Variants in CIITA observed in about 807,000 individuals in gnomAD.
The protein encoded by CIITA is MHC class II transactivator.
In CIITA, 72 loss-of-function variants were observed where a neutral mutation model predicts 115.1. The observed-to-expected ratio is 0.63, with a 90% CI of 0.52 to 0.76. CIITA has a LOEUF of 0.76. Among genes scored for constraint, CIITA ranks in the 30% least tolerant of loss-of-function variants. CIITA has a pLI of 0.00. For synonymous variants in CIITA, 763 were observed against 635.6 expected, an observed-to-expected ratio of 1.20 and a Z score of -3.02; for missense variants, 1,617 against 1,463.8, an observed-to-expected ratio of 1.10 and a Z score of -1.71.
Position 10,942,382 on chromosome 16 carries a change from G to A in CIITA, n.1508G>A. 1 of 173,304 alleles carries A rather than the reference G, an allele frequency of 5.8e-6. No individual in the cohort carries two copies. Among genetic ancestry groups the A allele is most frequent in the South Asian group, 1.2e-4 (1 of 8,414 alleles). 10.7% of individuals were successfully genotyped at this position (173,304 alleles called of 1,614,324 possible). ...TCCCGGCAGCCTTCTCTCCCGCCCC[G>A]CCCCGCAGGTCCTCGCGCACCCCCC... is the stretch of plus-strand genomic sequence containing the variant. On this transcript the variant is annotated non_coding_transcript_exon_variant, in exon 2 of 2. Transcript: ENST00000573379. The surrounding 1 kb of genome is among the most constrained non-coding windows in gnomAD (Gnocchi z 5.0).
intron 1 of CIITA, among the ~76,000 whole-genome samples, chr16:10,889,361 C>G (rs925986409): frequency 6.6e-6 from 1 of 152,058 alleles, no homozygotes; most frequent in Admixed American, 6.6e-5. Flanking sequence ...GCAGCTGTGG[C>G]GTTGTGGGGA....
chr16:10,908,190 G>C, intron 11 of CIITA, 41 bp downstream of exon 11: 1 of 1,549,792 alleles, frequency 6.5e-7, no homozygotes, highest in Non-Finnish European at 8.7e-7. Flanking sequence ...CTTGTGTTGG[G>C]CATTAACTGC....
At chr16:10,913,508 G>A (rs113178983) in intron 13 of CIITA, 7,127 of 155,460 alleles carry the variant, frequency 0.046, 240 homozygotes, top group East Asian at 0.16. Flanking sequence ...TAGAGACGGG[G>A]TTTCACCGTG....
Position 10,942,128 on chromosome 16 carries a change from G to A in CIITA, n.1254G>A. 1 of 711,398 alleles carries A rather than the reference G, an allele frequency of 1.4e-6. No individual in the cohort carries two copies. The allele number at this position is 711,398 out of a possible 1,614,324, so 44.1% of individuals were successfully genotyped here. A position where few individuals can be genotyped will look rare whatever the true frequency, so the allele number is the denominator to read the frequency against. ...TACCCTGGAGCCCGACAGAAGCAGG[G>A]CCGGGCTCCAGATGTCCCCTGGCAA... On this transcript the variant is annotated non_coding_transcript_exon_variant, in exon 2 of 2. Transcript: ENST00000573379. The surrounding 1 kb of genome is among the most constrained non-coding windows in gnomAD (Gnocchi z 5.0).
At chr16:10,868,587 G>A (rs2035255837) in intron 1 of CIITA, among the ~76,000 whole-genome samples, 1 of 152,190 alleles carries the variant, frequency 6.6e-6, no homozygotes, top group East Asian at 1.9e-4. Context: ...CTTCTCAACA[G>A]GGGCGCAGAC....
intron 10 of CIITA, 95 bp from the exon 11 acceptor site, chr16:10,906,404 G>C: frequency 1.5e-6 from 2 of 1,354,050 alleles, no homozygotes; most frequent in Non-Finnish European, 2.1e-6. Flanking sequence ...GTGGGGAACA[G>C]ATGTAAATGA....
intron 10 of CIITA, among the ~76,000 whole-genome samples, chr16:10,906,137 G>A (rs932201795): frequency 1.3e-5 from 2 of 152,198 alleles, no homozygotes; most frequent in African/African-American, 4.8e-5. Context: ...AAGCTGTGGT[G>A]GACCATGATT....
chr16:10,923,541 G>A lies in CIITA; in HGVS notation c.*22+216G>A, dbSNP rs2040389033. Among the ~76,000 whole-genome samples, 1 of 152,208 alleles carries A rather than the reference G, an allele frequency of 6.6e-6. No homozygotes were observed. The highest frequency in any genetic ancestry group is 1.5e-5 in the Non-Finnish European group (1 of 68,036). On this transcript the variant is annotated intron_variant, in intron 19 of 19. Coordinates refer to ENST00000324288, the MANE Select transcript of CIITA (RefSeq NM_000246.4). The surrounding 1 kb of genome is among the most constrained non-coding windows in gnomAD (Gnocchi z 5.2). ...CTTGGTCCCTGTGGTCAGGCTTAGAGATCAGGGGACAGGAAAGTTGGCCAT... is the reference window on the plus strand; with the variant it reads ...CTTGGTCCCTGTGGTCAGGCTTAGAAATCAGGGGACAGGAAAGTTGGCCAT...
At chr16:10,918,188 G>C (rs1039124121) in intron 15 of CIITA, among the ~76,000 whole-genome samples, 1 of 152,234 alleles carries the variant, frequency 6.6e-6, no homozygotes, top group Non-Finnish European at 1.5e-5. Context: ...AAGTGGCGCA[G>C]AGGGAAAAGA....
upstream of CIITA, among the ~76,000 whole-genome samples, chr16:10,874,852 C>G (rs186114163): frequency 1.8e-4 from 27 of 152,316 alleles, no homozygotes; most frequent in African/African-American, 6.5e-4. Flanking sequence ...TCAGAACCAG[C>G]TGTCTCTGAG....
chr16:10,908,718 A>C, intron 11 of CIITA: 1 of 568,700 alleles, frequency 1.8e-6, no homozygotes, highest in Non-Finnish European at 3.1e-6. Context: ...CTTAATCGCC[A>C]GAGGATTGCT....
rs907008198 is a variant in CIITA, at chr16:10,891,659, G to C, written c.53-3623G>C. Among the ~76,000 whole-genome samples, 33 of 152,124 alleles carry C rather than the reference G, an allele frequency of 2.2e-4. 2 individuals carry two copies. The highest frequency in any genetic ancestry group is 2.0e-3 in the Admixed American group (30 of 15,266). On this transcript the variant is annotated intron_variant, in intron 1 of 19. Transcript: ENST00000324288. Reference sequence around the variant, plus strand: ...AAGAGCATGGGTGGAATGGGAGGCGGGCATCAGGCAGGAGCTGGGGCAAAG... The same window carrying C: ...AAGAGCATGGGTGGAATGGGAGGCGCGCATCAGGCAGGAGCTGGGGCAAAG...
intron 1 of CIITA, among the ~76,000 whole-genome samples, chr16:10,878,448 C>T (rs932103256): frequency 9.2e-5 from 14 of 152,208 alleles, no homozygotes; most frequent in African/African-American, 3.4e-4. Context: ...ACCGGCAGGG[C>T]TCTTGCCACG....
chr16:10,893,533 G>A (rs948234318), intron 1 of CIITA, among the ~76,000 whole-genome samples: 2 of 152,022 alleles, frequency 1.3e-5, no homozygotes, highest in Non-Finnish European at 2.9e-5. Context: ...CACTTAAAAA[G>A]TACAGTTCAT....
intron 13 of CIITA, among the ~76,000 whole-genome samples, chr16:10,912,398 G>A (rs116878899): frequency 0.011 from 1,610 of 152,312 alleles, 10 homozygotes; most frequent in Middle Eastern, 0.041. Flanking sequence ...ACAGGTGTAA[G>A]CCACCATGCC....
rs2040892973 is a variant in CIITA, at chr16:10,933,623, A to T, written c.*9768A>T. On this transcript the variant is annotated 3_prime_UTR_variant, in exon 20 of 20. Coordinates refer to ENST00000324288, the MANE Select transcript of CIITA (RefSeq NM_000246.4). ...TGACAATACCCAGCACACACGAGACATCAGTACAGGGTGGTTCCTTCCCTC... is the reference window on the plus strand; with the variant it reads ...TGACAATACCCAGCACACACGAGACTTCAGTACAGGGTGGTTCCTTCCCTC... 2 of 152,294 alleles carry T rather than the reference A, an allele frequency of 1.3e-5. No individual in the cohort carries two copies. Among genetic ancestry groups the T allele is most frequent in the Non-Finnish European group, 2.9e-5 (2 of 68,102 alleles). The allele number at this position is 152,294 out of a possible 1,614,324, so 9.4% of individuals were successfully genotyped here.
At chr16:10,917,264 C>A (rs1333900337) in intron 15 of CIITA, among the ~76,000 whole-genome samples, 1 of 152,116 alleles carries the variant, frequency 6.6e-6, no homozygotes, top group Non-Finnish European at 1.5e-5. Flanking sequence ...CAGCCTCAAT[C>A]TCCTAGGCTC....
downstream of CIITA, chr16:10,936,908 G>C (rs917235336): frequency 2.0e-5 from 3 of 152,210 alleles, no homozygotes; most frequent in Non-Finnish European, 4.4e-5. Flanking sequence ...AGAAGTTCTG[G>C]GAGGAAAGCT....
chr16:10,867,802 C>T (rs905392729), intron 1 of CIITA, among the ~76,000 whole-genome samples: 7 of 152,288 alleles, frequency 4.6e-5, no homozygotes, highest in Non-Finnish European at 8.8e-5. Context: ...CTTGCCCAGG[C>T]TGGAGTGTAG....
Sources: allele counts gnomAD v4.1 joint callset (sites outside exome capture counted in the v4.1 genomes callset), GRCh38; gene constraint gnomAD v4.1.1; non-coding constraint Gnocchi (gnomAD v3.1); transcripts MANE v1.5; gene names NCBI Gene and HGNC (gene_info 2026-07-23, HGNC 2026-07-21).